The following RADIL variants were observed in gnomAD, a reference collection of about 807,000 sequenced individuals.
RADIL encodes Rap associating with DIL domain, also known as ras-associating and dilute domain-containing protein.
Under a neutral mutation model 97.6 loss-of-function variants are expected in RADIL, and 99 were observed. That is an observed-to-expected ratio of 1.01 (90% CI 0.86 to 1.20). RADIL has a LOEUF of 1.20. Among genes scored for constraint, RADIL ranks in the 50% most tolerant of loss-of-function variants. RADIL has a pLI of 0.00. For missense variants in RADIL, 1,765 were observed against 1,498.9 expected (o/e 1.18, Z -2.93); for synonymous variants, 803 against 691.8 (o/e 1.16, Z -2.52).
intron 4 of RADIL, 42 bp from the exon 5 acceptor site, chr7:4,832,220 G>A (rs373477705): frequency 7.9e-5 from 125 of 1,584,386 alleles, no homozygotes; most frequent in Non-Finnish European, 1.0e-4. Context: ...GAGCAAAACA[G>A]GCTAACACAG....
chr7:4,875,051 G>A (rs1240863996), intron 2 of RADIL, among the ~76,000 whole-genome samples: 2 of 147,526 alleles, frequency 1.4e-5, no homozygotes, highest in African/African-American at 5.4e-5. Flanking sequence ...AATTAGCCGG[G>A]CGTGGTGGCG....
chr7:4,807,261 G>A (rs1484262667), intron 9 of RADIL, among the ~76,000 whole-genome samples: 1 of 151,810 alleles, frequency 6.6e-6, no homozygotes, highest in African/African-American at 2.4e-5. Context: ...GAGGGGTGAG[G>A]GCACAGAACG....
intron 2 of RADIL, among the ~76,000 whole-genome samples, chr7:4,844,030 T>C (rs894208687): frequency 6.6e-6 from 1 of 151,870 alleles, no homozygotes; most frequent in Non-Finnish European, 1.5e-5. Context: ...AATATATACG[T>C]AACTTCCTCT....
intron 2 of RADIL, among the ~76,000 whole-genome samples, chr7:4,841,275 T>G (rs896787953): frequency 6.6e-6 from 1 of 152,214 alleles, no homozygotes; most frequent in Non-Finnish European, 1.5e-5. Context: ...CTGGCGTGAC[T>G]GAGTTCACTG....
chr7:4,825,395 G>A (rs1186061718), intron 5 of RADIL, among the ~76,000 whole-genome samples: 1 of 152,144 alleles, frequency 6.6e-6, no homozygotes, highest in East Asian at 1.9e-4. Flanking sequence ...ATGGGCTGCC[G>A]GCCACAGCCT....
intron 2 of RADIL, among the ~76,000 whole-genome samples, chr7:4,862,268 C>A (rs1183179798): frequency 6.6e-6 from 1 of 152,244 alleles, no homozygotes; most frequent in Non-Finnish European, 1.5e-5. Flanking sequence ...AGATGTGCAT[C>A]CTTTTTGGGG....
intron 5 of RADIL, among the ~76,000 whole-genome samples, chr7:4,828,043 G>C (rs1783046762): frequency 6.6e-6 from 1 of 152,182 alleles, no homozygotes; most frequent in South Asian, 2.1e-4. Context: ...CCTCACTCCT[G>C]TTAGAATGGC....
At chr7:4,852,427 T>A (rs1461952905) in intron 2 of RADIL, among the ~76,000 whole-genome samples, 1 of 152,152 alleles carries the variant, frequency 6.6e-6, no homozygotes, top group Admixed American at 6.5e-5. Context: ...GGCACCTTTT[T>A]ACCTTCCGTT....
intron 9 of RADIL, among the ~76,000 whole-genome samples, chr7:4,811,483 T>C (rs1424621171): frequency 1.7e-5 from 2 of 115,210 alleles, no homozygotes; most frequent in Non-Finnish European, 3.4e-5. Context: ...TTATTTCTTT[T>C]TTTTTTTTTT....
chr7:4,844,076 C>A (rs1288987117), intron 2 of RADIL, among the ~76,000 whole-genome samples: 1 of 152,090 alleles, frequency 6.6e-6, no homozygotes, highest in African/African-American at 2.4e-5. Context: ...CCTGCTGTAA[C>A]CACTTCTCTT....
At position 4,834,676 on chromosome 7, in the gene RADIL, G is replaced by A. The variant is rs1783244249; in HGVS notation, c.1347C>T (p.Thr449=). The A allele has an allele frequency of 1.5e-6, 2 of 1,376,972 alleles. No homozygotes were observed. The highest frequency in any genetic ancestry group is 2.1e-5 in the South Asian group (1 of 47,162). 85.3% of individuals were successfully genotyped at this position (1,376,972 alleles called of 1,614,324 possible). The change falls in exon 4 of 15, where the codon ACC becomes ACT. Residue 449 remains threonine, a synonymous_variant. Coordinates refer to ENST00000399583, the MANE Select transcript of RADIL (RefSeq NM_018059.5). This position sits in a 1 kb window ranked among gnomAD's most constrained non-coding sequence, Gnocchi z 6.0. ...GCCCGAATGTGCCCGGCTGGAAGTG[G>A]GTGGCCGAGTGCTGGATGCAGAGGC... ...LLCLCIQHSA[T]HFQPGTFGQL...
intron 2 of RADIL, among the ~76,000 whole-genome samples, chr7:4,870,191 G>T (rs1391844742): frequency 6.6e-6 from 1 of 152,138 alleles, no homozygotes; most frequent in African/African-American, 2.4e-5. Flanking sequence ...ACCAAGTCTT[G>T]CAAGGACAGC....
rs1562433077 is a variant in RADIL at position 4,814,322 on chromosome 7, C to G, written c.2139+956G>C. ...TTCTACAGTCAATAAAAATGCTTCA[C>G]TTTTTTTTTCTTTTGAGACAGGGCC... is the stretch of plus-strand genomic sequence containing the variant. On this transcript the variant is annotated intron_variant, in intron 9 of 14. Coordinates refer to ENST00000399583, the MANE Select transcript of RADIL (RefSeq NM_018059.5). The surrounding 1 kb of genome is among the most constrained non-coding windows in gnomAD (Gnocchi z 4.5). 6.6e-6 allele frequency among the ~76,000 whole-genome samples: 1 copy of G among 151,708 alleles called. No individual in the cohort carries two copies. Among genetic ancestry groups the G allele is most frequent in the African/African-American group, 2.4e-5 (1 of 41,292 alleles).
In RADIL at chr7:4,878,885, G is replaced by A. The variant is rs898340377; in HGVS notation, c.-64-682C>T. Among the ~76,000 whole-genome samples the A allele has an allele frequency of 3.9e-5, 6 of 152,218 alleles. No homozygotes were observed. Among genetic ancestry groups the A allele is most frequent in the Admixed American group, 3.3e-4 (5 of 15,290 alleles). ...AAAGCTTCGCCTCTCCGTAAACCTC[G>A]TGTCTCCTACCCCACAGGCTGCGAC... On this transcript the variant is annotated intron_variant, in intron 1 of 14. Coordinates refer to ENST00000399583, the MANE Select transcript of RADIL (RefSeq NM_018059.5). The surrounding 1 kb of genome is among the most constrained non-coding windows in gnomAD (Gnocchi z 4.1).
In RADIL at chr7:4,803,580, G is replaced by GCCCT; in HGVS notation, c.2464_2465insAGGG (p.Pro822GlnfsTer21). The GCCCT allele has an allele frequency of 1.3e-6, 2 of 1,546,298 alleles. No homozygotes were observed. Among genetic ancestry groups the GCCCT allele is most frequent in the Middle Eastern group, 2.2e-4 (1 of 4,542 alleles). On this transcript the variant is annotated frameshift_variant, in exon 11 of 15. Transcript: ENST00000399583. LOFTEE classifies it high-confidence loss of function. The stretch of plus-strand genomic sequence containing the variant: ...CACTGGCTGGGAGGCCCCACTGCCA[G>GCCCT]GCCTGCCAGGGCTGCCGGGGCTGGC...
chr7:4,863,979 C>T (rs985579270), intron 2 of RADIL, among the ~76,000 whole-genome samples: 1 of 152,182 alleles, frequency 6.6e-6, no homozygotes, highest in Non-Finnish European at 1.5e-5. Context: ...CCTTTATTTT[C>T]CTGGGTACTC....
At position 4,801,968 on chromosome 7, in the gene RADIL, G is replaced by A; in HGVS notation, c.2527C>T (p.His843Tyr). The A allele has an allele frequency of 6.5e-7, 1 of 1,549,388 alleles. No individual in the cohort carries two copies. Among genetic ancestry groups the A allele is most frequent in the Admixed American group, 2.1e-5 (1 of 47,086 alleles). ...EGMHHVVLDG[H>Y]LEAPSCPLAP... The stretch of plus-strand genomic sequence containing the variant: ...AGGGGGCAGCTCGGGGCCTCCAGGT[G>A]CCCGTCAAGGACCACGTGGTGCATA... Residue 843 changes from histidine to tyrosine, a missense_variant, in exon 12 of 15, where the codon CAC becomes TAC. Coordinates refer to ENST00000399583, the MANE Select transcript of RADIL (RefSeq NM_018059.5).
At position 4,805,739 on chromosome 7, in the gene RADIL, T is replaced by C. The variant is rs920301912; in HGVS notation, c.2140-23A>G. On this transcript the variant is annotated intron_variant, in intron 9 of 14. Transcript: ENST00000399583. ...CATCTGGGTGACAAGAAGGAGCTCA[T>C]GGTCACAGGTCTCTGGGTGCAGACC... 1.9e-6 allele frequency: 3 copies of C among 1,597,614 alleles called. No homozygotes were observed. In the African/African-American group the frequency reaches 4.0e-5, roughly 21 times the overall value.
At chr7:4,864,430 C>T (rs960382512) in intron 2 of RADIL, among the ~76,000 whole-genome samples, 10 of 152,180 alleles carry the variant, frequency 6.6e-5, no homozygotes, top group African/African-American at 2.4e-4. Context: ...CTTTAAATAC[C>T]ACTTACTTAC....
Sources: allele counts gnomAD v4.1 joint callset (sites outside exome capture counted in the v4.1 genomes callset), GRCh38; gene constraint gnomAD v4.1.1; non-coding constraint Gnocchi (gnomAD v3.1); transcripts MANE v1.5; gene names NCBI Gene and HGNC (gene_info 2026-07-23, HGNC 2026-07-21).